Variants in ZSWIM8 observed in about 807,000 individuals in gnomAD.
ZSWIM8 encodes the protein zinc finger SWIM-type containing 8.
A neutral mutation model predicts 173.7 loss-of-function variants in ZSWIM8; 27 were observed. The observed-to-expected ratio is 0.16, with a 90% CI of 0.11 to 0.21. The LOEUF (loss-of-function observed/expected upper bound fraction) is 0.21, where lower values mean the gene tolerates loss of function less well. Ranked by LOEUF, ZSWIM8 falls within the 10% of genes least tolerant of loss-of-function variation. The pLI is 1.00. For synonymous variants in ZSWIM8, 958 were observed against 962.0 expected, an observed-to-expected ratio of 1.00 and a Z score of 0.08; for missense variants, 1,627 against 2,428.8, an observed-to-expected ratio of 0.67 and a Z score of 6.94.
chr10:73,791,703 T>A lies in ZSWIM8; in HGVS notation c.1320-156T>A, dbSNP rs954637396. ...CCTTCCCCTAAATAACACCCACTTT[T>A]CAAAATTCTCCAGTGTTTCAGTGAT... On this transcript the variant is annotated intron_variant, in intron 9 of 25. Transcript: ENST00000604729. This position sits in a 1 kb window ranked among gnomAD's most constrained non-coding sequence, Gnocchi z 6.0. Among the ~76,000 whole-genome samples, 1 of 152,216 alleles carries A rather than the reference T, an allele frequency of 6.6e-6. No individual in the cohort carries two copies. The highest frequency in any genetic ancestry group is 1.5e-5 in the Non-Finnish European group (1 of 68,042).
In ZSWIM8 at chr10:73,789,545, G is replaced by T. The variant is rs1450320640; in HGVS notation, c.630+6G>T. On this transcript the variant is annotated splice_donor_region_variant and intron_variant, in intron 4 of 25. Transcript: ENST00000604729. This position sits in a 1 kb window ranked among gnomAD's most constrained non-coding sequence, Gnocchi z 6.8. Reference sequence around the variant, plus strand: ...GTCTCTTCCGCATCCACAACGTGAGGCCCTCCCAATTTATCCCGGCCCTAT... The same window carrying T: ...GTCTCTTCCGCATCCACAACGTGAGTCCCTCCCAATTTATCCCGGCCCTAT... 7 of 1,611,174 alleles carry T rather than the reference G, an allele frequency of 4.3e-6. No homozygotes were observed. The highest frequency in any genetic ancestry group is 5.9e-6 in the Non-Finnish European group (7 of 1,179,264).
intron 1 of ZSWIM8, among the ~76,000 whole-genome samples, chr10:73,787,929 T>C (rs1283688292): frequency 2.6e-5 from 4 of 152,150 alleles, no homozygotes; most frequent in Non-Finnish European, 4.4e-5. Context: ...AATTCTATGA[T>C]TTTCTGATCT....
rs992448310 is a variant in ZSWIM8, at chr10:73,791,879, A to G, written c.1340A>G (p.Gln447Arg). 6 of 1,536,554 alleles carry G rather than the reference A, an allele frequency of 3.9e-6. No homozygotes were observed. The highest frequency in any genetic ancestry group is 5.3e-6 in the Non-Finnish European group (6 of 1,136,956). Residue 447 changes from glutamine (Q) to arginine (R), a missense_variant, in exon 10 of 26, where the codon CAG becomes CGG. Transcript: ENST00000604729. This position sits in a 1 kb window ranked among gnomAD's most constrained non-coding sequence, Gnocchi z 6.0. ...CACAGGCGCCGGGAACTGTGTACGC[A>G]GCTGCGGCAGTGGCAACTGAAGGTG... is the stretch of plus-strand genomic sequence containing the variant. ...SPQRRRELCT[Q>R]LRQWQLKVIE... is the part of the protein sequence containing the mutation.
At chr10:73,790,576 C>T (rs537190349) in intron 7 of ZSWIM8, among the ~76,000 whole-genome samples, 48 of 152,224 alleles carry the variant, frequency 3.2e-4, no homozygotes, top group Admixed American at 8.5e-4. Context: ...TGGCTGGGGG[C>T]GGTGGCTCAT....
At position 73,800,374 on chromosome 10, in the gene ZSWIM8, C is replaced by T; in HGVS notation, c.4904C>T (p.Pro1635Leu). 1 of 1,613,984 alleles carries T rather than the reference C, an allele frequency of 6.2e-7. No homozygotes were observed. The highest frequency in any genetic ancestry group is 8.5e-7 in the Non-Finnish European group (1 of 1,179,880). ...SLPALTTQPSPLVSGGFPPPE... is the reference protein window; with the variant it reads ...SLPALTTQPSLLVSGGFPPPE... ...CCTGCCCTGACCACACAGCCCAGCC[C>T]TCTGGTGAGCGGAGGTTTTCCACCG... Residue 1635 changes from proline (P) to leucine (L), a missense_variant, in exon 23 of 26, where the codon CCT (proline) becomes CTT (leucine). Around this residue, in one of 18 missense-constraint regions of ZSWIM8, gnomAD observed 275 missense variants for 290.1 expected, o/e 0.95. Transcript: ENST00000604729. The surrounding 1 kb of genome is among the most constrained non-coding windows in gnomAD (Gnocchi z 4.1).
chr10:73,800,121 A>G lies in ZSWIM8; in HGVS notation c.4776A>G (p.Val1592=). The G allele has an allele frequency of 6.2e-7, 1 of 1,613,748 alleles. No individual in the cohort carries two copies. The highest frequency in any genetic ancestry group is 1.3e-5 in the African/African-American group (1 of 74,990). ...TTCCTTCCATGGCACCCATCACAGT[A>G]CATCCCTACCACACAGAGCCAGGGC... ...FPVPSMAPIT[V]HPYHTEPGLP... Residue 1592 remains valine, a synonymous_variant, in exon 22 of 26, where the codon GTA becomes GTG. Coordinates refer to ENST00000604729, the MANE Select transcript of ZSWIM8 (RefSeq NM_001367799.1). This position sits in a 1 kb window ranked among gnomAD's most constrained non-coding sequence, Gnocchi z 4.1.
At position 73,800,510 on chromosome 10, in the gene ZSWIM8, T is replaced by A. The variant is rs2083890930; in HGVS notation, c.5002+38T>A. On this transcript the variant is annotated intron_variant, in intron 23 of 25. Coordinates refer to ENST00000604729, the MANE Select transcript of ZSWIM8 (RefSeq NM_001367799.1). The surrounding 1 kb of genome is among the most constrained non-coding windows in gnomAD (Gnocchi z 4.1). ...CCCTTTCTGTGCTCCTACCTGCAGTTGTGCCAGTGGCTCTTCAGAGGACCC... is the reference window on the plus strand; with the variant it reads ...CCCTTTCTGTGCTCCTACCTGCAGTAGTGCCAGTGGCTCTTCAGAGGACCC... The A allele has an allele frequency of 6.2e-7, 1 of 1,610,554 alleles. No individual in the cohort carries two copies. The highest frequency in any genetic ancestry group is 2.2e-5 in the East Asian group (1 of 44,870).
Position 73,785,627 on chromosome 10 carries a change from G to A in ZSWIM8, c.-252G>A, listed in dbSNP as rs769790363. On this transcript the variant is annotated 5_prime_UTR_variant, in exon 1 of 26. Coordinates refer to ENST00000604729, the MANE Select transcript of ZSWIM8 (RefSeq NM_001367799.1). ...CCGCAGCCGCCTAGAGGCCCCAGCC[G>A]CCGAGCGCTTCGTCCCGGCCCTAAG... is the stretch of plus-strand genomic sequence containing the variant. 1.8e-6 allele frequency: 1 copy of A among 570,154 alleles called. No homozygotes were observed. Among genetic ancestry groups the A allele is most frequent in the South Asian group, 1.6e-5 (1 of 63,068 alleles). The allele number at this position is 570,154 out of a possible 1,614,324, so 35.3% of individuals were successfully genotyped here.
chr10:73,790,252 A>G lies in ZSWIM8; in HGVS notation c.901A>G (p.Thr301Ala), dbSNP rs1305143844. The G allele has an allele frequency of 6.2e-7, 1 of 1,613,524 alleles. No individual in the cohort carries two copies. Residue 301 changes from threonine to alanine, a missense_variant, in exon 7 of 26, where the codon ACA becomes GCA. By Grantham distance (58) the Thr-to-Ala change is moderately conservative. This residue lies in a region of ZSWIM8 where 19 missense variants were observed against 21.1 expected (regional missense o/e 0.90). Transcript: ENST00000604729. ...ESTLTDNIKKTLHKFCGPSPV... is the reference protein window; with the variant it reads ...ESTLTDNIKKALHKFCGPSPV... ...GACACTCACTGACAACATCAAAAAG[A>G]CACTGCACAAGTTCTGTGGCCCCTC... is the stretch of plus-strand genomic sequence containing the variant.
In ZSWIM8 at chr10:73,797,452, G is replaced by A; in HGVS notation, c.3509G>A (p.Arg1170Gln). 6.2e-7 allele frequency: 1 copy of A among 1,613,918 alleles called. No individual in the cohort carries two copies. Among genetic ancestry groups the A allele is most frequent in the Non-Finnish European group, 8.5e-7 (1 of 1,179,858 alleles). ...CCCACCTTAAGCCGGAGACCACTTC[G>A]AGGGGGCTGGGCCCCCACCTCCTGG... ...SSPTLSRRPLRGGWAPTSWGR... is the reference protein window; with the variant it reads ...SSPTLSRRPLQGGWAPTSWGR... Residue 1170 changes from arginine to glutamine, a missense_variant, in exon 18 of 26, where the codon CGA (arginine) becomes CAA (glutamine). Physicochemically the swap from Arg to Gln is conservative, Grantham distance 43. Transcript: ENST00000604729. This position sits in a 1 kb window ranked among gnomAD's most constrained non-coding sequence, Gnocchi z 5.6.
In ZSWIM8 at chr10:73,791,582, G is replaced by A. The variant is rs2083414611; in HGVS notation, c.1319+83G>A. The A allele has an allele frequency of 2.1e-6, 3 of 1,407,428 alleles. No homozygotes were observed. The Admixed American group carries it at 7.9e-5, about 37-fold the overall frequency. 87.2% of individuals were successfully genotyped at this position (1,407,428 alleles called of 1,614,324 possible). ...GAGCCTTCATCTCCTTGTTTGCAGA[G>A]ACATACCATGATTTTAGTCCTCGGG... On this transcript the variant is annotated intron_variant, in intron 9 of 25. Coordinates refer to ENST00000604729, the MANE Select transcript of ZSWIM8 (RefSeq NM_001367799.1). The surrounding 1 kb of genome is among the most constrained non-coding windows in gnomAD (Gnocchi z 6.0).
Position 73,800,145 on chromosome 10 carries a change from G to A in ZSWIM8, c.4800G>A (p.Gly1600=), listed in dbSNP as rs751918076. 57 of 1,613,728 alleles carry A rather than the reference G, an allele frequency of 3.5e-5. 5 individuals carry two copies. The South Asian group carries it at 5.7e-4, about 16-fold the overall frequency. ...TACATCCCTACCACACAGAGCCAGG[G>A]CTTCCACTGCCCACCAGTGTGGCCT... ...ITVHPYHTEP[G]LPLPTSVALS... The change falls in exon 22 of 26, where the codon GGG becomes GGA. Residue 1600 remains glycine, a synonymous_variant. Coordinates refer to ENST00000604729, the MANE Select transcript of ZSWIM8 (RefSeq NM_001367799.1). This position sits in a 1 kb window ranked among gnomAD's most constrained non-coding sequence, Gnocchi z 4.1.
chr10:73,798,506 T>A, intron 20 of ZSWIM8, 53 bp downstream of exon 20: 1 of 1,540,544 alleles, frequency 6.5e-7, no homozygotes, highest in Non-Finnish European at 8.8e-7. Flanking sequence ...GGCAGGGAGG[T>A]TGGGCATGGG....
rs1258414600 is a variant in ZSWIM8 at position 73,794,135 on chromosome 10, C to T, written c.2626-12C>T. ...ACACACCAGAGGTCTGAGCTCCTTC[C>T]TGTGCCCTCAGGTGAAGCTGGCATA... On this transcript the variant is annotated splice_polypyrimidine_tract_variant and intron_variant, in intron 12 of 25. Transcript: ENST00000604729. 5 of 1,613,684 alleles carry T rather than the reference C, an allele frequency of 3.1e-6. No homozygotes were observed. Among genetic ancestry groups the T allele is most frequent in the Non-Finnish European group, 4.2e-6 (5 of 1,179,768 alleles).
At chr10:73,794,480 C>T (rs2083536708) in intron 13 of ZSWIM8, 61 bp from the exon 14 acceptor site, 1 of 1,570,418 alleles carries the variant, frequency 6.4e-7, no homozygotes. Context: ...TTTGGGTTCC[C>T]CTGTATTTTT....
chr10:73,786,227 G>A, intron 1 of ZSWIM8, 141 bp downstream of exon 1: 2 of 972,256 alleles, frequency 2.1e-6, no homozygotes, highest in South Asian at 1.8e-5. Flanking sequence ...GCCGGGAGCT[G>A]TCCCCGACTG....
intron 20 of ZSWIM8, 63 bp downstream of exon 20, chr10:73,798,516 G>C (rs2083769915): frequency 1.4e-6 from 2 of 1,445,152 alleles, no homozygotes; most frequent in Admixed American, 3.9e-5. Flanking sequence ...TTGGGCATGG[G>C]AAAGCTAAGG....
At chr10:73,796,151 C>A (rs1040926011) in intron 15 of ZSWIM8, among the ~76,000 whole-genome samples, 1 of 151,534 alleles carries the variant, frequency 6.6e-6, no homozygotes, top group Admixed American at 6.6e-5. Flanking sequence ...TCGTTTGAGA[C>A]CAACCTGGCC....
chr10:73,790,984 C>T lies in ZSWIM8; in HGVS notation c.951C>T (p.Asn317=), dbSNP rs1250677766. The T allele has an allele frequency of 1.9e-6, 3 of 1,609,134 alleles. No homozygotes were observed. Among genetic ancestry groups the T allele is most frequent in the Non-Finnish European group, 2.5e-6 (3 of 1,179,744 alleles). The change falls in exon 8 of 26, where the codon AAC becomes AAT. Residue 317 remains asparagine (N), a synonymous_variant. Coordinates refer to ENST00000604729, the MANE Select transcript of ZSWIM8 (RefSeq NM_001367799.1). The stretch of plus-strand genomic sequence containing the variant: ...TCCTCTGCTTTTACAGTGATGTGAA[C>T]TCCATGTATCTGTCTTCCACGGAGC... ...GPSPVVFSDV[N]SMYLSSTEPP...
Sources: gnomAD v4.1 joint callset for allele counts (sites outside exome capture counted in the v4.1 genomes callset) on GRCh38, gnomAD v4.1.1 for gene constraint, gnomAD v4.1.1 regional missense constraint, Gnocchi (gnomAD v3.1) non-coding constraint, MANE v1.5 for transcripts, NCBI Gene and HGNC (gene_info 2026-07-23, HGNC 2026-07-21) for gene names.